Variants in POGZ observed in about 807,000 individuals in gnomAD.
POGZ encodes the protein pogo transposable element with ZNF domain.
In POGZ, 17 loss-of-function variants were observed where a neutral mutation model predicts 134.6. The ratio of observed to expected loss-of-function variants is 0.13; its 90% CI spans 0.09 to 0.19. The LOEUF (loss-of-function observed/expected upper bound fraction) is 0.19. Among genes scored for constraint, POGZ ranks in the 10% least tolerant of loss-of-function variants. The probability of loss-of-function intolerance (pLI) is 1.00; values close to 1 mark genes in which losing one functional copy is unlikely to be tolerated. For synonymous variants in POGZ, 693 were observed against 657.1 expected, an observed-to-expected ratio of 1.05 and a Z score of -0.84; for missense variants, 1,306 against 1,769.7, an observed-to-expected ratio of 0.74 and a Z score of 4.70.
chr1:151,422,456 A>G (rs1657069705), intron 10 of POGZ, among the ~76,000 whole-genome samples: 1 of 152,238 alleles, frequency 6.6e-6, no homozygotes, highest in South Asian at 2.1e-4. Context: ...GTGTACGCTC[A>G]TAAGCAAATG....
chr1:151,449,087 C>A (rs1231647537), intron 1 of POGZ, among the ~76,000 whole-genome samples: 1 of 152,130 alleles, frequency 6.6e-6, no homozygotes, highest in African/African-American at 2.4e-5. Context: ...AACAAGAGCT[C>A]ATTTCGAACC....
chr1:151,407,168 A>C (rs567478670), intron 16 of POGZ, 67 bp downstream of exon 16: 352 of 1,326,334 alleles, frequency 2.7e-4, no homozygotes, highest in Admixed American at 4.3e-4. Flanking sequence ...TCTCCAAATA[A>C]TGAAAAACCT....
Position 151,407,038 on chromosome 1 carries a change from T to G in POGZ, c.2433-15A>C, listed in dbSNP as rs1363120881. The stretch of plus-strand genomic sequence containing the variant: ...GCTTGATTCCACTAAAAAAGAGAAT[T>G]GAGACTATGTAAGACAAACACAGCA... On this transcript the variant is annotated splice_polypyrimidine_tract_variant and intron_variant, in intron 16 of 18. Transcript: ENST00000271715. 6.3e-7 allele frequency: 1 copy of G among 1,592,946 alleles called. No individual in the cohort carries two copies.
intron 7 of POGZ, 159 bp downstream of exon 7, chr1:151,427,663 TG>T (rs1162606437): frequency 1.7e-6 from 1 of 596,056 alleles, no homozygotes; most frequent in African/African-American, 1.9e-5. Flanking sequence ...TTACACTTTT[TG>T]TAAGTGGCTT....
Position 151,424,087 on chromosome 1 carries a change from T to C in POGZ, c.1385A>G (p.Gln462Arg), listed in dbSNP as rs747104403. The change falls in exon 9 of 19, where the codon CAG becomes CGG. Residue 462 changes from glutamine (Q) to arginine (R), a missense_variant. This residue lies in a region of POGZ where 541 missense variants were observed against 680.5 expected (regional missense o/e 0.80). Transcript: ENST00000271715. ...ATCTACAAGCATAATGAGTTTGGTC[T>C]GGACGGCATCGCCCACGTTCTCATT... is the stretch of plus-strand genomic sequence containing the variant. ...EPNENVGDAV[Q>R]TKLIMLVDDF... 5 of 1,614,190 alleles carry C rather than the reference T, an allele frequency of 3.1e-6. No homozygotes were observed. The highest frequency in any genetic ancestry group is 1.1e-5 in the South Asian group (1 of 91,088).
intron 1 of POGZ, among the ~76,000 whole-genome samples, chr1:151,444,665 T>C (rs541931827): frequency 6.6e-6 from 1 of 152,332 alleles, no homozygotes; most frequent in East Asian, 1.9e-4. Flanking sequence ...GTCATGCCTG[T>C]GGTTATTTTA....
chr1:151,447,429 T>A (rs1661431051), intron 1 of POGZ, among the ~76,000 whole-genome samples: 1 of 151,878 alleles, frequency 6.6e-6, no homozygotes. Flanking sequence ...TCCCTTAATA[T>A]CAAATATCTA....
At position 151,428,243 on chromosome 1, in the gene POGZ, G is replaced by C. The variant is rs139284224; in HGVS notation, c.739C>G (p.Gln247Glu). The C allele has an allele frequency of 2.3e-5, 37 of 1,613,986 alleles. No homozygotes were observed. The highest frequency in any genetic ancestry group is 6.7e-5 in the Admixed American group (4 of 59,998). ...GTGCTGGGAGTGGACTTGGTCTGCT[G>C]GGACTGGGACTGTGGGACGGTGCTT... The part of the protein sequence containing the change: ...IRSTVPQSQS[Q>E]QTKSTPSTST... Residue 247 changes from glutamine to glutamate, a missense_variant, in exon 6 of 19, where the codon CAG becomes GAG. Around this residue, in one of 10 missense-constraint regions of POGZ, gnomAD observed 541 missense variants for 680.5 expected, o/e 0.80. Coordinates refer to ENST00000271715, the MANE Select transcript of POGZ (RefSeq NM_015100.4).
chr1:151,455,514 T>C (rs370976592), intron 1 of POGZ, among the ~76,000 whole-genome samples: 51 of 152,366 alleles, frequency 3.3e-4, no homozygotes, highest in African/African-American at 1.1e-3. Context: ...CTTAAAATTA[T>C]TGAAGACGCC....
intron 3 of POGZ, among the ~76,000 whole-genome samples, chr1:151,431,969 G>C (rs1658762898): frequency 6.6e-6 from 1 of 152,190 alleles, no homozygotes; most frequent in East Asian, 1.9e-4. Context: ...AGGAGCTCAA[G>C]ACCAGCCTGG....
At chr1:151,440,258 TA>T (rs1660320473) in intron 3 of POGZ, among the ~76,000 whole-genome samples, 2 of 151,830 alleles carry the variant, frequency 1.3e-5, no homozygotes, top group East Asian at 3.8e-4. Context: ...GTTTTAGTTT[TA>T]AAGGAAATAA....
Position 151,449,480 on chromosome 1 carries a change from G to A in POGZ, c.-1-7275C>T, listed in dbSNP as rs1165912247. On this transcript the variant is annotated intron_variant, in intron 1 of 18. Coordinates refer to ENST00000271715, the MANE Select transcript of POGZ (RefSeq NM_015100.4). ...GCCTGGAGATTATCCGACCCTAAAT[G>A]TCAATAGTGCCAAGACTGAAAATCA... is the stretch of plus-strand genomic sequence containing the variant. 2.0e-5 allele frequency among the ~76,000 whole-genome samples: 3 copies of A among 152,014 alleles called. No individual in the cohort carries two copies. The East Asian group carries it at 5.8e-4, about 29-fold the overall frequency.
At chr1:151,425,130 G>A (rs1657550613) in intron 7 of POGZ, 69 bp from the exon 8 acceptor site, 3 of 819,940 alleles carry the variant, frequency 3.7e-6, no homozygotes, top group Non-Finnish European at 6.2e-6. Context: ...GACCTTTTGG[G>A]AAAAAGTCAA....
chr1:151,416,792 T>TA (rs1210631248), intron 10 of POGZ, among the ~76,000 whole-genome samples: 194 of 149,590 alleles, frequency 1.3e-3, no homozygotes, highest in Non-Finnish European at 2.6e-3. Flanking sequence ...CCTGGCTAAT[T>TA]AAAAAAAAAT....
intron 12 of POGZ, among the ~76,000 whole-genome samples, chr1:151,410,116 A>G (rs1654406815): frequency 6.6e-6 from 1 of 152,152 alleles, no homozygotes; most frequent in Non-Finnish European, 1.5e-5. Context: ...TCTCTTATAT[A>G]CTATATACCT....
chr1:151,448,646 G>A (rs1294225487), intron 1 of POGZ, among the ~76,000 whole-genome samples: 1 of 151,844 alleles, frequency 6.6e-6, no homozygotes, highest in Non-Finnish European at 1.5e-5. Context: ...CTAATTCTTT[G>A]AGCCCAGAGG....
rs1358769774 is a variant in POGZ at position 151,405,942 on chromosome 1, C to T, written c.3093G>A (p.Leu1031=). ...CGCGCTGGGTTAGCACCCACTCAGC[C>T]AGTTTCTCTTCTGCCTCAAAGCTCA... ...KYLSFEAEEK[L]AEWVLTQREQ... is the part of the protein sequence containing the mutation. Residue 1031 remains leucine (L), a synonymous_variant, in exon 19 of 19, where the codon CTG becomes CTA. Coordinates refer to ENST00000271715, the MANE Select transcript of POGZ (RefSeq NM_015100.4). This position sits in a 1 kb window ranked among gnomAD's most constrained non-coding sequence, Gnocchi z 4.9. The T allele has an allele frequency of 6.2e-7, 1 of 1,614,062 alleles. No homozygotes were observed. The highest frequency in any genetic ancestry group is 8.5e-7 in the Non-Finnish European group (1 of 1,180,036).
Position 151,457,399 on chromosome 1 carries a change from C to T in POGZ, c.-2+1753G>A, listed in dbSNP as rs571030566. ...TTGAAAATGTAAAGATGACAACCCC[C>T]CTCTGCTCCATTCAAATAAATTTGG... is the stretch of plus-strand genomic sequence containing the variant. On this transcript the variant is annotated intron_variant, in intron 1 of 18. Coordinates refer to ENST00000271715, the MANE Select transcript of POGZ (RefSeq NM_015100.4). Among the ~76,000 whole-genome samples the T allele has an allele frequency of 7.4e-4, 113 of 152,282 alleles. 1 individual carries two copies. The highest frequency in any genetic ancestry group is 2.6e-3 in the African/African-American group (108 of 41,568).
In POGZ at chr1:151,447,879, G is replaced by A. The variant is rs553423755; in HGVS notation, c.-1-5674C>T. ...GGGAACGTCTTCAGTTGGCTGCTGA[G>A]TCCTTCTGACACAACCCTAGCATCG... On this transcript the variant is annotated intron_variant, in intron 1 of 18. Transcript: ENST00000271715. Among the ~76,000 whole-genome samples, 8 of 152,060 alleles carry A rather than the reference G, an allele frequency of 5.3e-5. No homozygotes were observed. The East Asian group carries it at 1.5e-3, about 29-fold the overall frequency.
Sources: allele counts gnomAD v4.1 joint callset (sites outside exome capture counted in the v4.1 genomes callset), GRCh38; gene constraint gnomAD v4.1.1; regional missense constraint gnomAD v4.1.1; non-coding constraint Gnocchi (gnomAD v3.1); transcripts MANE v1.5; gene names NCBI Gene and HGNC (gene_info 2026-07-23, HGNC 2026-07-21).